Variants in TTC28 observed in about 807,000 individuals in gnomAD.
TTC28 encodes tetratricopeptide repeat domain 28, also known as tetratricopeptide repeat protein 28.
Under a neutral mutation model 198.0 loss-of-function variants are expected in TTC28, and 61 were observed. The observed-to-expected ratio is 0.31, with a 90% confidence interval of 0.25 to 0.38. TTC28 has a LOEUF of 0.38. Ranked by LOEUF, TTC28 falls within the 10% of genes least tolerant of loss-of-function variation. The pLI, the probability that TTC28 is intolerant of heterozygous loss-of-function variation, is 1.00. For synonymous variants in TTC28, 1,171 were observed against 1,297.8 expected, an observed-to-expected ratio of 0.90 and a Z score of 2.10; for missense variants, 2,678 against 3,164.0, an observed-to-expected ratio of 0.85 and a Z score of 3.69.
chr22:28,210,882 A>G (rs894552211), intron 5 of TTC28, among the ~76,000 whole-genome samples: 9 of 152,206 alleles, frequency 5.9e-5, no homozygotes, highest in Admixed American at 5.9e-4. Flanking sequence ...AAGGGCAGCC[A>G]GAGAGAAAGG....
chr22:28,196,561 G>T (rs1925355400), intron 5 of TTC28, among the ~76,000 whole-genome samples: 1 of 151,920 alleles, frequency 6.6e-6, no homozygotes, highest in Non-Finnish European at 1.5e-5. Context: ...CTAATATCCA[G>T]AATCTACAAT....
At chr22:27,992,884 C>T (rs1937466025) in intron 18 of TTC28, 1 of 590,602 alleles carries the variant, frequency 1.7e-6, no homozygotes, top group Non-Finnish European at 3.0e-6. Context: ...TGCCGCAGTC[C>T]TCTAGGCGTG....
chr22:28,255,681 C>CA (rs134192), intron 5 of TTC28, among the ~76,000 whole-genome samples: 11,883 of 114,566 alleles, frequency 0.1, 572 homozygotes, highest in South Asian at 0.12. Context: ...AACTCCGTCT[C>CA]AAAAAAAAAA....
intron 6 of TTC28, among the ~76,000 whole-genome samples, chr22:28,142,198 C>A (rs1411914603): frequency 6.6e-6 from 1 of 152,160 alleles, no homozygotes; most frequent in Non-Finnish European, 1.5e-5. Context: ...TTTATTCAGG[C>A]AAAGTAAGTG....
chr22:28,305,016 T>C (rs912901842), intron 3 of TTC28, among the ~76,000 whole-genome samples: 9 of 148,640 alleles, frequency 6.1e-5, no homozygotes, highest in African/African-American at 7.5e-5. Flanking sequence ...TGAGACGGAG[T>C]CTCACTCTGT....
intron 6 of TTC28, among the ~76,000 whole-genome samples, chr22:28,146,489 C>A (rs536387401): frequency 6.6e-6 from 1 of 152,304 alleles, no homozygotes; most frequent in South Asian, 2.1e-4. Context: ...CCGGATGGTG[C>A]CACAAACTGG....
intron 5 of TTC28, among the ~76,000 whole-genome samples, chr22:28,209,810 T>C (rs1173951895): frequency 6.6e-6 from 1 of 152,202 alleles, no homozygotes; most frequent in Non-Finnish European, 1.5e-5. Flanking sequence ...GCACGGAGTT[T>C]GAGATCTGAA....
At chr22:28,517,797 G>A (rs976125344) in intron 2 of TTC28, among the ~76,000 whole-genome samples, 8 of 151,996 alleles carry the variant, frequency 5.3e-5, no homozygotes, top group African/African-American at 1.9e-4. Flanking sequence ...ATTCTAATTA[G>A]GGCTGTAGGG....
At chr22:28,362,971 A>AAAC (rs199776193) in intron 2 of TTC28, among the ~76,000 whole-genome samples, 2,126 of 152,150 alleles carry the variant, frequency 0.014, 45 homozygotes, top group East Asian at 0.087. Context: ...AACAAACAAA[A>AAAC]AACAACAACA....
rs548059058 is a variant in TTC28 at position 28,336,694 on chromosome 22, A to C, written c.382-30051T>G. ...TGGTATCGGTGGTGATATCCGCTTT[A>C]TCATTTTTTATTGCATCTATTTGAT... On this transcript the variant is annotated intron_variant, in intron 2 of 22. Coordinates refer to ENST00000397906, the MANE Select transcript of TTC28 (RefSeq NM_001145418.2). Among the ~76,000 whole-genome samples the C allele has an allele frequency of 4.6e-5, 7 of 152,006 alleles. No individual in the cohort carries two copies. In the East Asian group the frequency reaches 1.3e-3, roughly 29 times the overall value.
At chr22:28,229,895 G>C (rs1002680247) in intron 5 of TTC28, among the ~76,000 whole-genome samples, 68 of 152,158 alleles carry the variant, frequency 4.5e-4, no homozygotes, top group Non-Finnish European at 5.4e-4. Flanking sequence ...ATTTTGAGAT[G>C]CTTAAATTTA....
intron 5 of TTC28, among the ~76,000 whole-genome samples, chr22:28,284,119 T>C (rs148972386): frequency 6.2e-4 from 95 of 152,282 alleles, no homozygotes; most frequent in African/African-American, 2.2e-3. Context: ...TGCCAGGAGA[T>C]GTGAGCTCCT....
intron 14 of TTC28, among the ~76,000 whole-genome samples, chr22:28,004,500 C>T (rs1937854932): frequency 6.6e-6 from 1 of 152,160 alleles, no homozygotes; most frequent in Admixed American, 6.5e-5. Flanking sequence ...ACCTCATATC[C>T]CAATTTGGAG....
intron 2 of TTC28, among the ~76,000 whole-genome samples, chr22:28,502,587 G>A (rs924455028): frequency 2.6e-5 from 4 of 151,980 alleles, no homozygotes; most frequent in Non-Finnish European, 5.9e-5. Context: ...GGCAGAGCTT[G>A]CAGTGAGCCG....
chr22:27,979,020 A>G lies in TTC28; in HGVS notation c.*3201T>C, dbSNP rs1936933715. On this transcript the variant is annotated 3_prime_UTR_variant, in exon 23 of 23. Transcript: ENST00000397906. Reference sequence around the variant, plus strand: ...TCCTCCCAAGTGGGACAAAGAGCCAAGGGCTATGCAGGAGGCATTTGCTTC... The same window carrying G: ...TCCTCCCAAGTGGGACAAAGAGCCAGGGGCTATGCAGGAGGCATTTGCTTC... 6.6e-6 allele frequency: 1 copy of G among 152,270 alleles called. No individual in the cohort carries two copies. The highest frequency in any genetic ancestry group is 1.5e-5 in the Non-Finnish European group (1 of 68,060). The allele number at this position is 152,270 out of a possible 1,614,324, so 9.4% of individuals were successfully genotyped here. A position where few individuals can be genotyped will look rare whatever the true frequency, so the allele number is the denominator to read the frequency against.
At chr22:28,250,468 G>T (rs1251425321) in intron 5 of TTC28, among the ~76,000 whole-genome samples, 2 of 152,072 alleles carry the variant, frequency 1.3e-5, no homozygotes, top group East Asian at 3.9e-4. Flanking sequence ...TCCGTAAGAG[G>T]TATCTGTGGT....
At chr22:28,557,789 A>G (rs1436950307) in intron 2 of TTC28, among the ~76,000 whole-genome samples, 1 of 148,108 alleles carries the variant, frequency 6.8e-6, no homozygotes. Flanking sequence ...TTTCCTTCAG[A>G]GAGAGAATTT....
At chr22:28,127,786 G>A (rs1482517065) in intron 6 of TTC28, among the ~76,000 whole-genome samples, 3 of 151,900 alleles carry the variant, frequency 2.0e-5, no homozygotes, top group African/African-American at 4.8e-5. Context: ...GTGCAGTGAT[G>A]TGATTATGGC....
At chr22:28,439,393 A>C (rs991191130) in intron 2 of TTC28, among the ~76,000 whole-genome samples, 1 of 152,254 alleles carries the variant, frequency 6.6e-6, no homozygotes, top group Non-Finnish European at 1.5e-5. Flanking sequence ...AGTATCTAGA[A>C]GTGACGGAGC....
Sources: allele counts gnomAD v4.1 joint callset (sites outside exome capture counted in the v4.1 genomes callset), GRCh38; gene constraint gnomAD v4.1.1; transcripts MANE v1.5; gene names NCBI Gene and HGNC (gene_info 2026-07-23, HGNC 2026-07-21).